UNC13C: variants seen among roughly 807,000 people sequenced by gnomAD.
UNC13C encodes the protein unc-13 homolog C.
In UNC13C, 174 loss-of-function variants were observed where a neutral mutation model predicts 245.4. The observed-to-expected ratio is 0.71, with a 90% CI of 0.63 to 0.80. UNC13C has a LOEUF of 0.80. UNC13C is among the 30% of genes least tolerant of loss of function. The pLI is 0.00. For missense variants in UNC13C, 2,829 were observed against 2,602.9 expected (o/e 1.09, Z -1.89); for synonymous variants, 992 against 895.1 (o/e 1.11, Z -1.93).
At chr15:54,000,153 C>G (rs1203799538) in intron 1 of UNC13C, among the ~76,000 whole-genome samples, 4 of 151,946 alleles carry the variant, frequency 2.6e-5, no homozygotes, top group African/African-American at 9.7e-5. Context: ...GAGTATGCCT[C>G]CTAAAATAGA....
intron 19 of UNC13C, among the ~76,000 whole-genome samples, chr15:54,492,800 T>C (rs1485198528): frequency 6.6e-6 from 1 of 152,232 alleles, no homozygotes; most frequent in Non-Finnish European, 1.5e-5. Context: ...GCAGTATCTT[T>C]CTGTTGTCAG....
chr15:54,128,336 T>A (rs1456481531), intron 2 of UNC13C, among the ~76,000 whole-genome samples: 1 of 152,252 alleles, frequency 6.6e-6, no homozygotes, highest in Admixed American at 6.5e-5. Flanking sequence ...TTTATTTTTA[T>A]ATCCTTAACT....
At chr15:54,304,065 GTAAAGGGCCAGATAGTAAATA>G (rs1269487201) in intron 13 of UNC13C, among the ~76,000 whole-genome samples, 63 of 151,900 alleles carry the variant, frequency 4.1e-4, no homozygotes, top group African/African-American at 1.5e-3. Context: ...TTTTTTTTCT[GTAAAGGGCCAGATAGTAAATA>G]TTTTGTAGTT....
intron 2 of UNC13C, among the ~76,000 whole-genome samples, chr15:54,036,948 C>T (rs533033209): frequency 1.5e-4 from 23 of 152,290 alleles, no homozygotes; most frequent in Non-Finnish European, 2.6e-4. Flanking sequence ...TCTTAAGTCA[C>T]GAGAAGCAGG....
intron 10 of UNC13C, among the ~76,000 whole-genome samples, chr15:54,266,652 G>A (rs1596111985): frequency 6.6e-6 from 1 of 151,498 alleles, no homozygotes; most frequent in East Asian, 1.9e-4. Flanking sequence ...TTTTATTGAG[G>A]TGTAATTGAC....
the UNC13C span, among the ~76,000 whole-genome samples, chr15:53,926,650 C>T: frequency 7.2e-5 from 11 of 152,274 alleles, no homozygotes; most frequent in African/African-American, 2.6e-4. Flanking sequence ...TATTGCAAGG[C>T]AGTGTGGTAA....
chr15:53,974,213 A>T (rs1445660996), upstream of UNC13C, among the ~76,000 whole-genome samples: 1 of 152,210 alleles, frequency 6.6e-6, no homozygotes, highest in African/African-American at 2.4e-5. Context: ...CTGACTCACT[A>T]TTGTTGGAAT....
At chr15:53,896,847 A>G in the UNC13C span, among the ~76,000 whole-genome samples, 1 of 152,198 alleles carries the variant, frequency 6.6e-6, no homozygotes, top group Non-Finnish European at 1.5e-5. Flanking sequence ...TAAGGTGAAT[A>G]GAAACATCAG....
chr15:54,284,295 A>T (rs569184560), intron 10 of UNC13C, among the ~76,000 whole-genome samples: 1 of 152,212 alleles, frequency 6.6e-6, no homozygotes, highest in Non-Finnish European at 1.5e-5. Context: ...ACTAATTCAA[A>T]CAAGTATATT....
chr15:54,214,598 G>A (rs67142907), intron 4 of UNC13C, among the ~76,000 whole-genome samples: 15,731 of 151,924 alleles, frequency 0.1, 1,122 homozygotes, highest in African/African-American at 0.21. Context: ...TATATATGCA[G>A]CATACTTCTA....
chr15:54,303,683 G>A (rs534261432), intron 13 of UNC13C, among the ~76,000 whole-genome samples: 184 of 149,250 alleles, frequency 1.2e-3, no homozygotes, highest in African/African-American at 4.4e-3. Flanking sequence ...TTGAGGACAC[G>A]CTCCCATGAC....
chr15:54,464,598 G>C (rs1227534127), intron 19 of UNC13C, among the ~76,000 whole-genome samples: 3 of 151,984 alleles, frequency 2.0e-5, no homozygotes, highest in Non-Finnish European at 4.4e-5. Flanking sequence ...ATAGTACAAG[G>C]AAAAGGACTC....
intron 18 of UNC13C, among the ~76,000 whole-genome samples, chr15:54,402,001 A>G (rs2040196975): frequency 6.6e-6 from 1 of 151,940 alleles, no homozygotes; most frequent in Non-Finnish European, 1.5e-5. Flanking sequence ...CTAACCCAAT[A>G]TAATATTATA....
At chr15:53,992,940 C>G (rs1441916055) in intron 1 of UNC13C, among the ~76,000 whole-genome samples, 3 of 152,076 alleles carry the variant, frequency 2.0e-5, no homozygotes, top group East Asian at 1.9e-4. Flanking sequence ...TGCACTAATT[C>G]ATTCCCTTCT....
intron 17 of UNC13C, among the ~76,000 whole-genome samples, chr15:54,388,724 T>G (rs1485274406): frequency 2.0e-5 from 3 of 152,178 alleles, no homozygotes; most frequent in Non-Finnish European, 2.9e-5. Context: ...TCTTATTGTT[T>G]TTTAGACTTT....
At chr15:54,376,397 A>ACATAGC (rs1363376660) in intron 17 of UNC13C, among the ~76,000 whole-genome samples, 2 of 152,228 alleles carry the variant, frequency 1.3e-5, no homozygotes, top group African/African-American at 4.8e-5. Context: ...GACACCTGAA[A>ACATAGC]CATAGCCAGA....
In UNC13C at chr15:54,518,386, A is replaced by T. The variant is rs1425062280; in HGVS notation, c.5457+6556A>T. 7.9e-5 allele frequency among the ~76,000 whole-genome samples: 12 copies of T among 152,240 alleles called. No homozygotes were observed. The East Asian group carries it at 2.3e-3, about 29-fold the overall frequency. ...TTTAAGAGAGCTCACAGGGTTACTC[A>T]TATACTGCCAAGTCTCTTTTTAAAC... On this transcript the variant is annotated intron_variant, in intron 24 of 32. Transcript: ENST00000260323.
chr15:54,399,171 C>T (rs942110495), intron 18 of UNC13C, among the ~76,000 whole-genome samples: 3 of 151,464 alleles, frequency 2.0e-5, no homozygotes, highest in African/African-American at 7.3e-5. Flanking sequence ...ATAGGGGCAT[C>T]ATTATTGGAG....
intron 26 of UNC13C, among the ~76,000 whole-genome samples, chr15:54,534,972 C>T (rs1001567144): frequency 6.6e-6 from 1 of 152,154 alleles, no homozygotes; most frequent in African/African-American, 2.4e-5. Context: ...AGTATATCAA[C>T]TATAGGCACT....
Sources: allele counts gnomAD v4.1 joint callset (sites outside exome capture counted in the v4.1 genomes callset), GRCh38; gene constraint gnomAD v4.1.1; transcripts MANE v1.5; gene names NCBI Gene and HGNC (gene_info 2026-07-23, HGNC 2026-07-21).